Variants in AFAP1L2 observed in about 807,000 individuals in gnomAD.
AFAP1L2 encodes the protein actin filament-associated protein 1-like 2.
AFAP1L2 carries 46 observed loss-of-function variants against 99.3 expected under a neutral mutation model. The observed-to-expected ratio is 0.46, with a 90% CI of 0.37 to 0.59. The LOEUF (loss-of-function observed/expected upper bound fraction) is 0.59, where lower values mean the gene tolerates loss of function less well. AFAP1L2 is among the 20% of genes least tolerant of loss of function. The pLI, the probability that AFAP1L2 is intolerant of heterozygous loss-of-function variation, is 0.00. For missense variants in AFAP1L2, 959 were observed against 1,034.9 expected (o/e 0.93, Z 1.01); for synonymous variants, 397 against 419.1 (o/e 0.95, Z 0.64).
intron 5 of AFAP1L2, among the ~76,000 whole-genome samples, chr10:114,322,857 G>A (rs1167051682): frequency 1.3e-5 from 2 of 152,204 alleles, no homozygotes; most frequent in African/African-American, 4.8e-5. Flanking sequence ...CCTTTGTGCT[G>A]AAATCTCACA....
At chr10:114,342,293 C>G (rs535747545) in intron 1 of AFAP1L2, among the ~76,000 whole-genome samples, 2 of 151,780 alleles carry the variant, frequency 1.3e-5, no homozygotes, top group South Asian at 4.2e-4. Context: ...CTCCTCCCTG[C>G]TCATACCTAA....
intron 2 of AFAP1L2, among the ~76,000 whole-genome samples, chr10:114,339,455 A>G (rs2048464439): frequency 6.6e-6 from 1 of 152,240 alleles, no homozygotes; most frequent in South Asian, 2.1e-4. Flanking sequence ...TCAAAAAAAA[A>G]AGAAAATACT....
Position 114,295,673 on chromosome 10 carries a change from A to C in AFAP1L2, c.*369T>G. The C allele has an allele frequency of 1.9e-6, 2 of 1,034,288 alleles. No individual in the cohort carries two copies. Among genetic ancestry groups the C allele is most frequent in the Non-Finnish European group, 2.3e-6 (2 of 860,854 alleles). 64.1% of individuals were successfully genotyped at this position (1,034,288 alleles called of 1,614,324 possible). Reference sequence around the variant, plus strand: ...ACCAAAGACACGTGACCCATAAGACAGGGCCCTGCTTCCTTGATTCATCTT... The same window carrying C: ...ACCAAAGACACGTGACCCATAAGACCGGGCCCTGCTTCCTTGATTCATCTT... On this transcript the variant is annotated 3_prime_UTR_variant, in exon 19 of 19. Transcript: ENST00000304129.
chr10:114,290,201 G>A (rs1437675916), downstream of AFAP1L2: 5 of 1,548,002 alleles, frequency 3.2e-6, no homozygotes, highest in South Asian at 4.8e-5. Context: ...TCTAACCCAT[G>A]CCTGGCCGGC....
downstream of AFAP1L2, among the ~76,000 whole-genome samples, chr10:114,292,865 C>T (rs1411987304): frequency 6.6e-6 from 1 of 152,042 alleles, no homozygotes; most frequent in Non-Finnish European, 1.5e-5. Flanking sequence ...GCCACCATGC[C>T]TAGCTAATTT....
At chr10:114,306,117 GC>G (rs71893998) in intron 10 of AFAP1L2, among the ~76,000 whole-genome samples, 32,431 of 39,166 alleles carry the variant, frequency 0.83, 16,089 homozygotes, top group Non-Finnish European at 0.88. Flanking sequence ...GGATGCAGAT[GC>G]CTGGAGGGAT....
intron 1 of AFAP1L2, among the ~76,000 whole-genome samples, chr10:114,369,823 C>T (rs1375437742): frequency 6.6e-6 from 1 of 152,040 alleles, no homozygotes; most frequent in Non-Finnish European, 1.5e-5. Flanking sequence ...CTTCATTGTG[C>T]CTCTACCAGA....
chr10:114,301,552 G>A lies in AFAP1L2; in HGVS notation c.1431-87C>T, dbSNP rs2041197127. On this transcript the variant is annotated intron_variant, in intron 12 of 18. Transcript: ENST00000304129. ...CTCCAAGGATTCCCAGTGAGGAGTGGTTGCCGTGAAAGTGGTGGCCACACA... is the reference window on the plus strand; with the variant it reads ...CTCCAAGGATTCCCAGTGAGGAGTGATTGCCGTGAAAGTGGTGGCCACACA... 11 of 1,010,726 alleles carry A rather than the reference G, an allele frequency of 1.1e-5. No individual in the cohort carries two copies. The South Asian group carries it at 1.2e-4, about 11-fold the overall frequency. The allele number at this position is 1,010,726 out of a possible 1,614,324, so 62.6% of individuals were successfully genotyped here.
chr10:114,294,228 G>A (rs965004023), downstream of AFAP1L2, among the ~76,000 whole-genome samples: 2 of 152,168 alleles, frequency 1.3e-5, no homozygotes, highest in African/African-American at 2.4e-5. Flanking sequence ...CCAACAATGA[G>A]ATTTGTTTTC....
chr10:114,332,078 G>A (rs745961738), intron 3 of AFAP1L2, among the ~76,000 whole-genome samples, 181 bp from the exon 4 acceptor site: 1 of 152,152 alleles, frequency 6.6e-6, no homozygotes, highest in Non-Finnish European at 1.5e-5. Flanking sequence ...TAGGGTGCAG[G>A]AGTGCCCCAG....
At chr10:114,384,660 G>C (rs879462071) in intron 1 of AFAP1L2, among the ~76,000 whole-genome samples, 2 of 152,244 alleles carry the variant, frequency 1.3e-5, no homozygotes, top group Admixed American at 6.5e-5. Flanking sequence ...TCACATAGTA[G>C]GTAAGGCCCA....
At chr10:114,290,137 G>A, downstream of AFAP1L2, 1 of 1,454,260 alleles carries the variant, frequency 6.9e-7, no homozygotes, top group Non-Finnish European at 9.2e-7. Flanking sequence ...AGGGAGACAT[G>A]ACTCTAGTAG....
chr10:114,323,221 G>A lies in AFAP1L2; in HGVS notation c.356C>T (p.Ser119Phe), dbSNP rs2045664885. 1 of 1,603,314 alleles carries A rather than the reference G, an allele frequency of 6.2e-7. No individual in the cohort carries two copies. The highest frequency in any genetic ancestry group is 8.5e-7 in the Non-Finnish European group (1 of 1,174,190). The change falls in exon 5 of 19, where the codon TCT becomes TTT. Residue 119 changes from serine to phenylalanine, a missense_variant. Around this residue, in one of 2 missense-constraint regions of AFAP1L2, gnomAD observed 383 missense variants for 472.8 expected, o/e 0.81. Transcript: ENST00000304129. ...RKQLAIPKTE[S>F]PEGYYEEAEP... Reference sequence around the variant, plus strand: ...AGCCTCTTCATAGTAGCCCTCTGGAGACTCCGTCTTTGGGATGGCAAGCTG... The same window carrying A: ...AGCCTCTTCATAGTAGCCCTCTGGAAACTCCGTCTTTGGGATGGCAAGCTG...
intron 2 of AFAP1L2, among the ~76,000 whole-genome samples, chr10:114,333,853 ATCTGCCTTGTAT>A (rs1232444549): frequency 2.6e-5 from 4 of 152,210 alleles, no homozygotes; most frequent in African/African-American, 9.6e-5. Flanking sequence ...TAAGTTCAAG[ATCTGCCTTGTAT>A]TCCACCAAGT....
chr10:114,302,484 C>T lies in AFAP1L2; in HGVS notation c.1285G>A (p.Ala429Thr). 6.2e-7 allele frequency: 1 copy of T among 1,613,892 alleles called. No homozygotes were observed. The change falls in exon 12 of 19, where the codon GCC becomes ACC. Residue 429 changes from alanine (A) to threonine (T), a missense_variant and splice_region_variant. Transcript: ENST00000304129. ...TGGCCCATTTCCTCGGAAGACTTGG[C>T]CTGGAACGAGGCCAAGAGAGACATA... ...HKGEELAKLE[A>T]KSSEEMGHWL... is the part of the protein sequence containing the mutation.
At position 114,300,133 on chromosome 10, in the gene AFAP1L2, C is replaced by T. The variant is rs563133417; in HGVS notation, c.1957+61G>A. On this transcript the variant is annotated intron_variant, in intron 15 of 18. Transcript: ENST00000304129. ...TATACATCTATCCTATTAGTTCTGT[C>T]CCTCTAGAGAACCCTGACTAATACA... The T allele has an allele frequency of 3.4e-5, 54 of 1,606,280 alleles. No homozygotes were observed. In the African/African-American group the frequency reaches 4.7e-4, roughly 14 times the overall value.
At chr10:114,344,344 G>C (rs1283822864) in intron 1 of AFAP1L2, among the ~76,000 whole-genome samples, 2 of 152,148 alleles carry the variant, frequency 1.3e-5, no homozygotes, top group East Asian at 1.9e-4. Flanking sequence ...CAGGGGACAA[G>C]GGAAAGTGAA....
chr10:114,312,271 G>A (rs1337144489), intron 7 of AFAP1L2, among the ~76,000 whole-genome samples: 1 of 56,088 alleles, frequency 1.8e-5, no homozygotes, highest in Non-Finnish European at 4.9e-5. Context: ...GTGTGTGTGT[G>A]TGTGTGTGTG....
At chr10:114,326,015 G>A (rs966339604) in intron 4 of AFAP1L2, 169 of 1,206,810 alleles carry the variant, frequency 1.4e-4, no homozygotes, top group African/African-American at 7.3e-4. Context: ...CTGGGCACCC[G>A]AGATCTGGCC....
Sources: allele counts gnomAD v4.1 joint callset (sites outside exome capture counted in the v4.1 genomes callset), GRCh38; gene constraint gnomAD v4.1.1; regional missense constraint gnomAD v4.1.1; transcripts MANE v1.5; gene names NCBI Gene and HGNC (gene_info 2026-07-23, HGNC 2026-07-21).